VPS39: variants seen among roughly 807,000 people sequenced by gnomAD.
VPS39 encodes VPS39 subunit of HOPS complex.
A neutral mutation model predicts 121.0 loss-of-function variants in VPS39; 70 were observed. That is an observed-to-expected ratio of 0.58 (90% CI 0.48 to 0.71). The LOEUF (loss-of-function observed/expected upper bound fraction) is 0.71, where lower values mean the gene tolerates loss of function less well. VPS39 is among the 30% of genes least tolerant of loss of function. The pLI, the probability that VPS39 is intolerant of heterozygous loss-of-function variation, is 0.00. For missense variants in VPS39, 818 were observed against 1,051.5 expected (o/e 0.78, Z 3.07); for synonymous variants, 378 against 398.1 (o/e 0.95, Z 0.60).
At chr15:42,198,820 C>G (rs1051989085) in intron 2 of VPS39, among the ~76,000 whole-genome samples, 4 of 152,170 alleles carry the variant, frequency 2.6e-5, no homozygotes, top group Admixed American at 2.6e-4. Context: ...AGTAACAACA[C>G]TGCAAAGCCT....
chr15:42,168,399 G>C lies in VPS39; in HGVS notation c.1234-862C>G, dbSNP rs113781123. Among the ~76,000 whole-genome samples, 356 of 152,284 alleles carry C rather than the reference G, an allele frequency of 2.3e-3. 4 individuals are homozygous for C. The highest frequency in any genetic ancestry group is 8.4e-3 in the African/African-American group (347 of 41,552). ...TGGCAAGTTTGTGTGCTCCTTGCAG[G>C]CTGCCAGCCCCAGGAGGGTACCCCT... is the stretch of plus-strand genomic sequence containing the variant. On this transcript the variant is annotated intron_variant, in intron 12 of 24. Transcript: ENST00000318006.
rs773276948 is a variant in VPS39, at chr15:42,178,526, C to G, written c.763G>C (p.Glu255Gln). The change falls in exon 9 of 25, where the codon GAG (glutamate) becomes CAG (glutamine). Residue 255 changes from glutamate to glutamine, a missense_variant. Coordinates refer to ENST00000318006, the MANE Select transcript of VPS39 (RefSeq NM_015289.5). ...AGCCTCGGTTCAAATGTTCGGATCT[C>G]AACATATCGAGGCAACACTGCAATG... Reference protein sequence around the residue: ...YIIAVLPRYVEIRTFEPRLLV... With the variant: ...YIIAVLPRYVQIRTFEPRLLV... 6.2e-7 allele frequency: 1 copy of G among 1,614,118 alleles called. No homozygotes were observed. Among genetic ancestry groups the G allele is most frequent in the South Asian group, 1.1e-5 (1 of 91,068 alleles).
rs1296857112 is a variant in VPS39, at chr15:42,161,672, G to A, written c.2552+10C>T. ...AGCCCAGATGCCACACAGGTGTGAA[G>A]GAGGCTCACCTGTTCCCAATCTTCT... is the stretch of plus-strand genomic sequence containing the variant. On this transcript the variant is annotated intron_variant, in intron 24 of 24. Transcript: ENST00000318006. 1 of 1,613,506 alleles carries A rather than the reference G, an allele frequency of 6.2e-7. No homozygotes were observed. Among genetic ancestry groups the A allele is most frequent in the African/African-American group, 1.3e-5 (1 of 75,042 alleles).
In VPS39 at chr15:42,163,376, C is replaced by G. The variant is rs2049176466; in HGVS notation, c.2149G>C (p.Asp717His). Reference sequence around the variant, plus strand: ...TCTTTGTTGCCATCTTTGTTTCGGTCATAGTGTTTGTGGCAGTACCTGCAA... The same window carrying G: ...TCTTTGTTGCCATCTTTGTTTCGGTGATAGTGTTTGTGGCAGTACCTGCAA... ...MAEEYCHKHYDRNKDGNKDVY... is the reference protein window; with the variant it reads ...MAEEYCHKHYHRNKDGNKDVY... Residue 717 changes from aspartate to histidine, a missense_variant, in exon 21 of 25, where the codon GAC becomes CAC. Transcript: ENST00000318006. The G allele has an allele frequency of 6.2e-7, 1 of 1,614,036 alleles. No individual in the cohort carries two copies. The highest frequency in any genetic ancestry group is 8.5e-7 in the Non-Finnish European group (1 of 1,180,046).
rs1184266075 is a variant in VPS39 at position 42,166,289 on chromosome 15, G to C, written c.1607-57C>G. The C allele has an allele frequency of 2.4e-5, 37 of 1,544,980 alleles. No homozygotes were observed. In the East Asian group the frequency reaches 8.3e-4, roughly 35 times the overall value. Reference sequence around the variant, plus strand: ...GAGGCCCATCTTGCCTGTGGCACTGGGAAGGCAGGTGGGCAGGTTGCCCCA... The same window carrying C: ...GAGGCCCATCTTGCCTGTGGCACTGCGAAGGCAGGTGGGCAGGTTGCCCCA... On this transcript the variant is annotated intron_variant, in intron 15 of 24. Transcript: ENST00000318006.
At position 42,169,763 on chromosome 15, in the gene VPS39, C is replaced by T. The variant is rs752032852; in HGVS notation, c.1194G>A (p.Leu398=). 8 of 1,613,938 alleles carry T rather than the reference C, an allele frequency of 5.0e-6. No homozygotes were observed. The South Asian group carries it at 8.8e-5, about 18-fold the overall frequency. ...NPLPVLSGAE[L]EKAHLALIDY... is the part of the protein sequence containing the mutation. ...CAATCAGAGCTAAGTGAGCCTTCTC[C>T]AATTCAGCCCCGGAGAGCACAGGCA... The change falls in exon 12 of 25, where the codon TTG becomes TTA. Residue 398 remains leucine, a synonymous_variant. Transcript: ENST00000318006.
At chr15:42,203,000 A>AT (rs1257761455) in intron 1 of VPS39, among the ~76,000 whole-genome samples, 1 of 151,962 alleles carries the variant, frequency 6.6e-6, no homozygotes, top group African/African-American at 2.4e-5. Flanking sequence ...TTGCCAATAG[A>AT]TTTTTTAATT....
intron 24 of VPS39, chr15:42,161,432 G>A (rs1217641515): frequency 1.7e-6 from 1 of 581,906 alleles, no homozygotes; most frequent in East Asian, 3.3e-5. Context: ...CTAGCTTCAA[G>A]AGGGGAAGAG....
At chr15:42,171,699 AG>A (rs1297249103) in intron 11 of VPS39, among the ~76,000 whole-genome samples, 1 of 152,228 alleles carries the variant, frequency 6.6e-6, no homozygotes, top group African/African-American at 2.4e-5. Context: ...ATCCATCTCC[AG>A]GACTTTTCCA....
At chr15:42,165,610 C>T in intron 17 of VPS39, 108 bp downstream of exon 17, 1 of 850,176 alleles carries the variant, frequency 1.2e-6, no homozygotes, top group Non-Finnish European at 1.9e-6. Flanking sequence ...CTCATCCTTC[C>T]AATCCCCAAG....
chr15:42,162,584 G>T, intron 21 of VPS39, 103 bp from the exon 22 acceptor site: 1 of 1,333,230 alleles, frequency 7.5e-7, no homozygotes, highest in Non-Finnish European at 9.9e-7. Flanking sequence ...TACAGTAACA[G>T]CTATCACTGA....
chr15:42,206,424 G>A (rs1199515079), intron 1 of VPS39, among the ~76,000 whole-genome samples: 1 of 152,154 alleles, frequency 6.6e-6, no homozygotes, highest in African/African-American at 2.4e-5. Flanking sequence ...CTGTTCGGTG[G>A]GTGATCAAGG....
chr15:42,171,419 C>A (rs2049345896), intron 11 of VPS39, among the ~76,000 whole-genome samples: 1 of 152,194 alleles, frequency 6.6e-6, no homozygotes, highest in Non-Finnish European at 1.5e-5. Context: ...CAGCAGCCTG[C>A]ACTCAGTCAC....
intron 4 of VPS39, 143 bp from the exon 5 acceptor site, chr15:42,189,351 A>G (rs2049773099): frequency 3.1e-6 from 2 of 638,296 alleles, no homozygotes; most frequent in South Asian, 1.7e-5. Flanking sequence ...CAGTTTCACT[A>G]GGATGATTCA....
intron 2 of VPS39, among the ~76,000 whole-genome samples, chr15:42,197,048 A>C (rs1369474078): frequency 6.6e-6 from 1 of 151,872 alleles, no homozygotes; most frequent in Non-Finnish European, 1.5e-5. Context: ...GCTGGAAACC[A>C]TCATTCTCAG....
chr15:42,170,740 G>GTTTTT (rs1157508422), intron 11 of VPS39, among the ~76,000 whole-genome samples: 1 of 38,256 alleles, frequency 2.6e-5, no homozygotes. Flanking sequence ...GATGCTCGCA[G>GTTTTT]ATTTTTTTTT....
intron 18 of VPS39, 160 bp downstream of exon 18, chr15:42,164,836 T>A: frequency 6.9e-7 from 1 of 1,444,800 alleles, no homozygotes; most frequent in Non-Finnish European, 9.1e-7. Context: ...GAGTCTCATG[T>A]GCCAGGCTTG....
At chr15:42,189,449 C>A (rs555763903) in intron 4 of VPS39, among the ~76,000 whole-genome samples, 1 of 152,100 alleles carries the variant, frequency 6.6e-6, no homozygotes. Flanking sequence ...TTGAGCTTGG[C>A]CCGGCATGGT....
intron 8 of VPS39, 28 bp from the exon 9 acceptor site, chr15:42,178,598 G>A (rs751254596): frequency 6.8e-6 from 11 of 1,612,744 alleles, no homozygotes; most frequent in Admixed American, 1.7e-5. Context: ...CACAGCAGTT[G>A]TTCCGGTCTA....
Sources: allele counts gnomAD v4.1 joint callset (sites outside exome capture counted in the v4.1 genomes callset), GRCh38; gene constraint gnomAD v4.1.1; transcripts MANE v1.5; gene names NCBI Gene and HGNC (gene_info 2026-07-23, HGNC 2026-07-21).